Variants in PLCB2 observed in about 807,000 individuals in gnomAD.
PLCB2 encodes phospholipase C beta 2, also known as 1-phosphatidylinositol 4,5-bisphosphate phosphodiesterase beta-2.
Under a neutral mutation model 141.7 loss-of-function variants are expected in PLCB2, and 115 were observed. The observed-to-expected ratio is 0.81, with a 90% CI of 0.70 to 0.95. The LOEUF (loss-of-function observed/expected upper bound fraction) is 0.95. Ranked by LOEUF, PLCB2 falls within the 40% of genes least tolerant of loss-of-function variation. The pLI, the probability that PLCB2 is intolerant of heterozygous loss-of-function variation, is 0.00. For missense variants in PLCB2, 1,403 were observed against 1,541.1 expected, an observed-to-expected ratio of 0.91 and a Z score of 1.50; for synonymous variants, 603 against 595.6, an observed-to-expected ratio of 1.01 and a Z score of -0.18.
Position 40,303,282 on chromosome 15 carries a change from A to T in PLCB2, c.231+6T>A. 6.2e-7 allele frequency: 1 copy of T among 1,608,636 alleles called. No individual in the cohort carries two copies. The highest frequency in any genetic ancestry group is 8.5e-7 in the Non-Finnish European group (1 of 1,174,986). ...TTGAGCCTGGGCTGCTACTGGACAC[A>T]CCTACCTTGGGCATCTTGGCAAACT... On this transcript the variant is annotated splice_donor_region_variant and intron_variant, in intron 3 of 31. Coordinates refer to ENST00000260402, the MANE Select transcript of PLCB2 (RefSeq NM_004573.3).
chr15:40,299,401 GAGCATGCTTA>G, intron 7 of PLCB2, 173 bp from the exon 8 acceptor site: 1 of 570,806 alleles, frequency 1.8e-6, no homozygotes, highest in African/African-American at 1.9e-5. Flanking sequence ...GCTGAGCAGA[GAGCATGCTTA>G]GCTGGTTTGC....
Position 40,294,675 on chromosome 15 carries a change from A to T in PLCB2, c.1907-255T>A, listed in dbSNP as rs866233378. Among the ~76,000 whole-genome samples, 943 of 152,306 alleles carry T rather than the reference A, an allele frequency of 6.2e-3. 8 individuals are homozygous for T. Among genetic ancestry groups the T allele is most frequent in the Non-Finnish European group, 8.7e-3 (592 of 68,006 alleles). On this transcript the variant is annotated intron_variant, in intron 18 of 31. Coordinates refer to ENST00000260402, the MANE Select transcript of PLCB2 (RefSeq NM_004573.3). ...TGGTGGGAGCTGGGGCAGCTGGGGC[A>T]GGTGGCCCACAGACATACCTGGGTG...
chr15:40,295,141 G>A (rs1229887509), intron 17 of PLCB2, 60 bp downstream of exon 17: 50 of 1,611,060 alleles, frequency 3.1e-5, no homozygotes, highest in Non-Finnish European at 4.2e-5. Context: ...CCTGTCCCCA[G>A]GCCCTCCTCT....
chr15:40,307,811 T>A lies in PLCB2; in HGVS notation c.-139A>T. 1.6e-6 allele frequency: 1 copy of A among 629,886 alleles called. No homozygotes were observed. Among genetic ancestry groups the A allele is most frequent in the Non-Finnish European group, 2.7e-6 (1 of 375,462 alleles). The allele number at this position is 629,886 out of a possible 1,614,324, so 39.0% of individuals were successfully genotyped here. ...AGCTGCTCCAGAAATCTAGTTGCTC[T>A]TATAGCCCCTGGGGTGGCCCTGGCT... is the stretch of plus-strand genomic sequence containing the variant. On this transcript the variant is annotated 5_prime_UTR_variant, in exon 1 of 32. The change creates a new upstream start codon in the 5' untranslated region. Transcript: ENST00000260402.
In PLCB2 at chr15:40,291,892, G is replaced by A. The variant is rs1283235504; in HGVS notation, c.2559C>T (p.Ser853=). 1.9e-6 allele frequency: 3 copies of A among 1,614,198 alleles called. No homozygotes were observed. Among genetic ancestry groups the A allele is most frequent in the Admixed American group, 1.7e-5 (1 of 60,028 alleles). The change falls in exon 24 of 32, where the codon AGC becomes AGT. Residue 853 remains serine, a synonymous_variant. Transcript: ENST00000260402. ...KPFPLASPVA[S]QVNGALAPTS... ...TTGGGGCCAACGCCCCATTGACCTG[G>A]CTGGCAACTGGACTCGCCAGTGGGA...
At chr15:40,289,718 C>T in intron 30 of PLCB2, 1 of 522,412 alleles carries the variant, frequency 1.9e-6, no homozygotes, top group East Asian at 3.4e-5. Flanking sequence ...GTCCCAGCCT[C>T]CCCTGGCCCT....
At position 40,295,199 on chromosome 15, in the gene PLCB2, A is replaced by G; in HGVS notation, c.1781+2T>C. 1.2e-6 allele frequency: 2 copies of G among 1,613,094 alleles called. No homozygotes were observed. The highest frequency in any genetic ancestry group is 1.7e-6 in the Non-Finnish European group (2 of 1,179,164). ...CCCTGGCCACTGAAACCTCAAGGAT[A>G]CTCCACAAACTGCACCGAGGCCTTG... On this transcript the variant is annotated splice_donor_variant, in intron 17 of 31. Transcript: ENST00000260402. LOFTEE classifies it high-confidence loss of function.
Position 40,293,720 on chromosome 15 carries a change from A to T in PLCB2, c.2066T>A (p.Ile689Asn). 2.5e-6 allele frequency: 4 copies of T among 1,608,510 alleles called. No individual in the cohort carries two copies. The highest frequency in any genetic ancestry group is 3.4e-6 in the Non-Finnish European group (4 of 1,175,556). The change falls in exon 20 of 32, where the codon ATC (isoleucine) becomes AAC (asparagine). Residue 689 changes from isoleucine to asparagine, a missense_variant. Ile to Asn is a moderately radical substitution (Grantham distance 149). This residue lies in a region of PLCB2 where 975 missense variants were observed against 1,141.1 expected (regional missense o/e 0.85). Coordinates refer to ENST00000260402, the MANE Select transcript of PLCB2 (RefSeq NM_004573.3). Reference sequence around the variant, plus strand: ...GCGTTCTGACAGGAACTGCCCAGAGATCACCTGGGGGTAGGGGCCCAGGAA... The same window carrying T: ...GCGTTCTGACAGGAACTGCCCAGAGTTCACCTGGGGGTAGGGGCCCAGGAA... ...VVATTLSITV[I>N]SGQFLSERSV...
chr15:40,298,841 G>A lies in PLCB2; in HGVS notation c.807C>T (p.Gly269=), dbSNP rs201038193. The A allele has an allele frequency of 2.7e-3, 4,362 of 1,613,768 alleles. 9 individuals are homozygous for A. Among genetic ancestry groups the A allele is most frequent in the Non-Finnish European group, 3.3e-3 (3,951 of 1,180,004 alleles). The part of the protein sequence containing the change: ...FPPARPDQVQ[G]LIDKYEPSGI... The stretch of plus-strand genomic sequence containing the variant: ...CACTGGGCTCATACTTGTCGATGAG[G>A]CCCTGCACCTGGTCAGGCCGTGCTG... Residue 269 remains glycine (G), a synonymous_variant, in exon 9 of 32, where the codon GGC becomes GGT. Coordinates refer to ENST00000260402, the MANE Select transcript of PLCB2 (RefSeq NM_004573.3).
At position 40,292,108 on chromosome 15, in the gene PLCB2, T is replaced by G. The variant is rs1566874925; in HGVS notation, c.2482A>C (p.Thr828Pro). ...NPIKFFSAHD[T>P]KSVKLKEAMG... ...GCCTCCTTGAGCTTCACAGACTTCGTGTCATGGGCACTGAAGAACTTAATG... is the reference window on the plus strand; with the variant it reads ...GCCTCCTTGAGCTTCACAGACTTCGGGTCATGGGCACTGAAGAACTTAATG... Residue 828 changes from threonine (T) to proline (P), a missense_variant, in exon 23 of 32, where the codon ACG becomes CCG. Coordinates refer to ENST00000260402, the MANE Select transcript of PLCB2 (RefSeq NM_004573.3). The G allele has an allele frequency of 6.2e-7, 1 of 1,614,164 alleles. No individual in the cohort carries two copies. The highest frequency in any genetic ancestry group is 8.5e-7 in the Non-Finnish European group (1 of 1,180,022).
At chr15:40,294,497 C>G in intron 18 of PLCB2, 77 bp from the exon 19 acceptor site, 1 of 1,496,392 alleles carries the variant, frequency 6.7e-7, no homozygotes, top group East Asian at 2.3e-5. Flanking sequence ...CCATTCCCAG[C>G]CTTTGCTGTC....
intron 7 of PLCB2, chr15:40,301,266 G>A (rs957844481): frequency 2.4e-6 from 1 of 425,452 alleles, no homozygotes; most frequent in Non-Finnish European, 4.2e-6. Context: ...ACTCCATGGG[G>A]TATAGGCTGG....
Position 40,297,168 on chromosome 15 carries a change from C to G in PLCB2, c.1324-260G>C, listed in dbSNP as rs1002380005. ...TGCACCAGGAGGACCTAACAGGCTA[C>G]TCTAGGAGCCCTGTCCATCACTTCC... On this transcript the variant is annotated intron_variant, in intron 13 of 31. Coordinates refer to ENST00000260402, the MANE Select transcript of PLCB2 (RefSeq NM_004573.3). The surrounding 1 kb of genome is among the most constrained non-coding windows in gnomAD (Gnocchi z 4.2). Among the ~76,000 whole-genome samples the G allele has an allele frequency of 6.6e-6, 1 of 152,150 alleles. No individual in the cohort carries two copies. The highest frequency in any genetic ancestry group is 1.9e-4 in the East Asian group (1 of 5,166).
intron 21 of PLCB2, 29 bp downstream of exon 21, chr15:40,292,897 T>C (rs1010481539): frequency 1.4e-6 from 2 of 1,445,050 alleles, no homozygotes; most frequent in African/African-American, 2.8e-5. Context: ...GCTGCTGATC[T>C]TGGAACAGTG....
chr15:40,307,774 C>T lies in PLCB2; in HGVS notation c.-102G>A, dbSNP rs2040870600. 3 of 929,744 alleles carry T rather than the reference C, an allele frequency of 3.2e-6. No individual in the cohort carries two copies. Among genetic ancestry groups the T allele is most frequent in the Non-Finnish European group, 4.8e-6 (3 of 623,774 alleles). 57.6% of individuals were successfully genotyped at this position (929,744 alleles called of 1,614,324 possible). A position where few individuals can be genotyped will look rare whatever the true frequency, so the allele number is the denominator to read the frequency against. ...GGGGAGCCAAGCTGGGCTCAAATGGCACCCATCCCCGAGCTGCTCCAGAAA... is the reference window on the plus strand; with the variant it reads ...GGGGAGCCAAGCTGGGCTCAAATGGTACCCATCCCCGAGCTGCTCCAGAAA... On this transcript the variant is annotated 5_prime_UTR_variant, in exon 1 of 32. Transcript: ENST00000260402.
intron 21 of PLCB2, 150 bp downstream of exon 21, chr15:40,292,776 A>G: frequency 1.8e-6 from 1 of 567,616 alleles, no homozygotes; most frequent in Admixed American, 3.1e-5. Context: ...CGCCTCTCTT[A>G]GGTTCCTGGA....
chr15:40,289,921 C>A, intron 30 of PLCB2, 104 bp downstream of exon 30: 1 of 868,888 alleles, frequency 1.2e-6, no homozygotes, highest in Non-Finnish European at 1.9e-6. Context: ...CCCCTTCCTA[C>A]TTGTGAAGAG....
In PLCB2 at chr15:40,292,337, A is replaced by T; in HGVS notation, c.2431+2T>A. ...GGCTCCTGGCATGCCATGGGCTCCT[A>T]CCTGCCCAAGCACCAGGTATGTAGT... is the stretch of plus-strand genomic sequence containing the variant. On this transcript the variant is annotated splice_donor_variant, in intron 22 of 31. Transcript: ENST00000260402. LOFTEE classifies it high-confidence loss of function. 2 of 1,605,618 alleles carry T rather than the reference A, an allele frequency of 1.2e-6. No individual in the cohort carries two copies. The highest frequency in any genetic ancestry group is 4.5e-5 in the East Asian group (2 of 44,740).
rs777089791 is a variant in PLCB2, at chr15:40,293,635, G to A, written c.2151C>T (p.Arg717=). The A allele has an allele frequency of 8.7e-6, 14 of 1,614,132 alleles. No individual in the cohort carries two copies. The highest frequency in any genetic ancestry group is 1.2e-5 in the Non-Finnish European group (14 of 1,179,996). Residue 717 remains arginine (R), a synonymous_variant, in exon 20 of 32, where the codon CGC becomes CGT. Coordinates refer to ENST00000260402, the MANE Select transcript of PLCB2 (RefSeq NM_004573.3). ...TACTGGGTGACAGCTTAGTTCGATA[G>A]CGCCTCTTGGGGTCCCCAGGAAGGC... ...LFGLPGDPKR[R]YRTKLSPSTN... is the part of the protein sequence containing the mutation.
Sources: gnomAD v4.1 joint callset for allele counts (sites outside exome capture counted in the v4.1 genomes callset) on GRCh38, gnomAD v4.1.1 for gene constraint, gnomAD v4.1.1 regional missense constraint, Gnocchi (gnomAD v3.1) non-coding constraint, MANE v1.5 for transcripts, NCBI Gene and HGNC (gene_info 2026-07-23, HGNC 2026-07-21) for gene names.